Variants in TIGAR observed in about 807,000 individuals in gnomAD.
The protein encoded by TIGAR is TP53 induced glycolysis regulatory phosphatase.
Under a neutral mutation model 17.9 loss-of-function variants are expected in TIGAR, and 7 were observed. That is an observed-to-expected ratio of 0.39 (90% CI 0.22 to 0.73). TIGAR has a LOEUF of 0.73. Ranked by LOEUF, TIGAR falls within the 30% of genes least tolerant of loss-of-function variation. The probability of loss-of-function intolerance (pLI) is 0.42; values close to 1 mark genes in which losing one functional copy is unlikely to be tolerated. For missense variants in TIGAR, 258 were observed against 327.4 expected (o/e 0.79, Z 1.64); for synonymous variants, 94 against 108.6 (o/e 0.87, Z 0.84).
intron 1 of TIGAR, among the ~76,000 whole-genome samples, chr12:4,330,915 G>A (rs551558729): frequency 9.9e-5 from 15 of 152,218 alleles, no homozygotes; most frequent in East Asian, 1.9e-4. Flanking sequence ...TGACTCTCAC[G>A]TTTTTGTTCC....
At chr12:4,339,507 A>T (rs576626219) in intron 3 of TIGAR, among the ~76,000 whole-genome samples, 1 of 152,234 alleles carries the variant, frequency 6.6e-6, no homozygotes, top group Non-Finnish European at 1.5e-5. Flanking sequence ...AAACTATTCC[A>T]TAAAATAGAG....
At chr12:4,333,400 C>G (rs1864624285) in intron 2 of TIGAR, among the ~76,000 whole-genome samples, 1 of 151,932 alleles carries the variant, frequency 6.6e-6, no homozygotes, top group African/African-American at 2.4e-5. Flanking sequence ...AGCAATTCTC[C>G]TGCCCGAGAC....
At chr12:4,337,218 G>C in intron 3 of TIGAR, 58 bp downstream of exon 3, 2 of 1,318,676 alleles carry the variant, frequency 1.5e-6, no homozygotes, top group African/African-American at 1.5e-5. Flanking sequence ...CCAGGCTGGA[G>C]TGCAGTGGTG....
chr12:4,352,322 T>A lies in TIGAR; in HGVS notation c.444T>A (p.Asp148Glu), dbSNP rs766689134. The A allele has an allele frequency of 6.2e-7, 1 of 1,614,032 alleles. No homozygotes were observed. The highest frequency in any genetic ancestry group is 1.6e-4 in the Middle Eastern group (1 of 6,062). The change falls in exon 6 of 6, where the codon GAT becomes GAA. Residue 148 changes from aspartate (D) to glutamate (E), a missense_variant. Asp to Glu is a conservative substitution (Grantham distance 45). Transcript: ENST00000179259. Reference protein sequence around the residue: ...FLCQLILKEADQKEQFSQGSP... With the variant: ...FLCQLILKEAEQKEQFSQGSP... ...GTCAACTAATCCTGAAAGAAGCGGA[T>A]CAAAAAGAACAGTTTTCCCAAGGAT...
At chr12:4,333,965 AT>A (rs1343656725) in intron 2 of TIGAR, among the ~76,000 whole-genome samples, 17 of 142,850 alleles carry the variant, frequency 1.2e-4, no homozygotes, top group Admixed American at 8.2e-4. Context: ...ATGTGTTTCG[AT>A]TTTTTTTCTT....
chr12:4,332,633 T>C (rs989763671), intron 2 of TIGAR, among the ~76,000 whole-genome samples: 1 of 152,240 alleles, frequency 6.6e-6, no homozygotes, highest in Non-Finnish European at 1.5e-5. Context: ...GCACCAAGTA[T>C]TTTCAATTCC....
chr12:4,349,643 T>A (rs1198864149), intron 3 of TIGAR, among the ~76,000 whole-genome samples, 176 bp from the exon 4 acceptor site: 2 of 152,170 alleles, frequency 1.3e-5, no homozygotes, highest in South Asian at 2.1e-4. Flanking sequence ...GGTCTCGATC[T>A]CCTGACCTCA....
chr12:4,346,069 C>T (rs991810907), intron 3 of TIGAR, among the ~76,000 whole-genome samples: 14 of 152,180 alleles, frequency 9.2e-5, no homozygotes, highest in Non-Finnish European at 2.1e-4. Flanking sequence ...CCGTCTCACA[C>T]CAGTTAGAAT....
rs571359542 is a variant in TIGAR, at chr12:4,335,178, C to G, written c.71-1861C>G. Among the ~76,000 whole-genome samples the G allele has an allele frequency of 2.6e-5, 4 of 152,254 alleles. No individual in the cohort carries two copies. In the South Asian group the frequency reaches 8.3e-4, roughly 32 times the overall value. On this transcript the variant is annotated intron_variant, in intron 2 of 5. Coordinates refer to ENST00000179259, the MANE Select transcript of TIGAR (RefSeq NM_020375.3). Reference sequence around the variant, plus strand: ...TCAGCCTTCCAAGTAGCTGGGATTACAGGCGTGCTCCACCATGCCCAGCTA... The same window carrying G: ...TCAGCCTTCCAAGTAGCTGGGATTAGAGGCGTGCTCCACCATGCCCAGCTA...
At chr12:4,324,227 T>G in intron 1 of TIGAR, 1 of 601,706 alleles carries the variant, frequency 1.7e-6, no homozygotes, top group East Asian at 2.7e-5. Context: ...TAGGTTGGCA[T>G]TACCATCACC....
Position 4,355,475 on chromosome 12 carries a change from CTATT to C in TIGAR, c.*2788_*2791del, listed in dbSNP as rs1490525340. 6.6e-5 allele frequency among the ~76,000 whole-genome samples: 10 copies of C among 152,162 alleles called. No homozygotes were observed. The highest frequency in any genetic ancestry group is 1.9e-4 in the African/African-American group (8 of 41,440). On this transcript the variant is annotated 3_prime_UTR_variant, in exon 6 of 6. Coordinates refer to ENST00000179259, the MANE Select transcript of TIGAR (RefSeq NM_020375.3). ...TTGTTCATTTTTAAAGTTGTCTTAACTATTTATGCACTTTTATTCTTCCATATAA... is the reference window on the plus strand; with the variant it reads ...TTGTTCATTTTTAAAGTTGTCTTAACTATGCACTTTTATTCTTCCATATAA...
rs1404664596 is a variant in TIGAR at position 4,356,354 on chromosome 12, T to C, written c.*3663T>C. Among the ~76,000 whole-genome samples the C allele has an allele frequency of 1.3e-5, 2 of 152,222 alleles. No homozygotes were observed. The highest frequency in any genetic ancestry group is 2.4e-5 in the African/African-American group (1 of 41,450). ...TGCCTGAGTCTTTTATGCAATGATATTTTATTTGTAATATTTTCCCGGTTT... is the reference window on the plus strand; with the variant it reads ...TGCCTGAGTCTTTTATGCAATGATACTTTATTTGTAATATTTTCCCGGTTT... On this transcript the variant is annotated 3_prime_UTR_variant, in exon 6 of 6. Transcript: ENST00000179259.
chr12:4,349,728 T>C, intron 3 of TIGAR, 91 bp from the exon 4 acceptor site: 1 of 1,122,688 alleles, frequency 8.9e-7, no homozygotes, highest in Non-Finnish European at 1.3e-6. Flanking sequence ...TAGTTCTTTT[T>C]TATTCACTAA....
intron 3 of TIGAR, among the ~76,000 whole-genome samples, chr12:4,338,726 A>G (rs1021299932): frequency 1.3e-5 from 2 of 151,950 alleles, no homozygotes; most frequent in Non-Finnish European, 2.9e-5. Context: ...AGAACAAGAA[A>G]AGCCACTTTG....
Position 4,352,811 on chromosome 12 carries a change from C to T in TIGAR, c.*120C>T, listed in dbSNP as rs1864851934. ...AACAGTTAAAAGCCAATTTTTAGCT[C>T]CAGTGGAACCATAGCCACATAAAAC... On this transcript the variant is annotated 3_prime_UTR_variant, in exon 6 of 6. Coordinates refer to ENST00000179259, the MANE Select transcript of TIGAR (RefSeq NM_020375.3). The T allele has an allele frequency of 2.3e-6, 2 of 851,198 alleles. No homozygotes were observed. 52.7% of individuals were successfully genotyped at this position (851,198 alleles called of 1,614,324 possible). A position where few individuals can be genotyped will look rare whatever the true frequency, so the allele number is the denominator to read the frequency against.
At chr12:4,331,939 G>A (rs1371085708) in intron 2 of TIGAR, among the ~76,000 whole-genome samples, 3 of 152,070 alleles carry the variant, frequency 2.0e-5, no homozygotes, top group African/African-American at 4.8e-5. Flanking sequence ...AGGGACTTCC[G>A]GGGTTTACAA....
intron 3 of TIGAR, among the ~76,000 whole-genome samples, chr12:4,342,531 A>G (rs554384651): frequency 1.3e-5 from 2 of 152,230 alleles, no homozygotes; most frequent in Admixed American, 6.6e-5. Flanking sequence ...GACTAACAGC[A>G]GATCTCTTGG....
chr12:4,331,586 A>G (rs981059759), intron 2 of TIGAR, among the ~76,000 whole-genome samples: 1 of 152,202 alleles, frequency 6.6e-6, no homozygotes, highest in African/African-American at 2.4e-5. Context: ...CTGATTAATT[A>G]TATTGGGTCT....
At position 4,353,273 on chromosome 12, in the gene TIGAR, T is replaced by G. The variant is rs935581653; in HGVS notation, c.*582T>G. On this transcript the variant is annotated 3_prime_UTR_variant, in exon 6 of 6. Coordinates refer to ENST00000179259, the MANE Select transcript of TIGAR (RefSeq NM_020375.3). Reference sequence around the variant, plus strand: ...AATACAGATTATGATTGCAGAATGGTCTGGGGGAAGAAGTTAAAACATTTG... The same window carrying G: ...AATACAGATTATGATTGCAGAATGGGCTGGGGGAAGAAGTTAAAACATTTG... 6.6e-6 allele frequency: 1 copy of G among 152,234 alleles called. No individual in the cohort carries two copies. Among genetic ancestry groups the G allele is most frequent in the Non-Finnish European group, 1.5e-5 (1 of 68,068 alleles). 9.4% of individuals were successfully genotyped at this position (152,234 alleles called of 1,614,324 possible).
Sources: allele counts gnomAD v4.1 joint callset (sites outside exome capture counted in the v4.1 genomes callset), GRCh38; gene constraint gnomAD v4.1.1; transcripts MANE v1.5; gene names NCBI Gene and HGNC (gene_info 2026-07-23, HGNC 2026-07-21).